PDXDC1: variants seen among roughly 807,000 people sequenced by gnomAD.
PDXDC1 encodes the protein pyridoxal-dependent decarboxylase domain-containing protein 1.
In PDXDC1, 42 loss-of-function variants were observed where a neutral mutation model predicts 100.1. That is an observed-to-expected ratio of 0.42 (90% CI 0.33 to 0.54). The LOEUF (loss-of-function observed/expected upper bound fraction) is 0.54. Ranked by LOEUF, PDXDC1 falls within the 20% of genes least tolerant of loss-of-function variation. The pLI, the probability that PDXDC1 is intolerant of heterozygous loss-of-function variation, is 0.10. For synonymous variants in PDXDC1, 260 were observed against 371.7 expected (o/e 0.70, Z 3.46); for missense variants, 636 against 979.2 (o/e 0.65, Z 4.68).
At chr16:15,059,405 C>T (rs1014994718) in intron 16 of PDXDC1, among the ~76,000 whole-genome samples, 1 of 152,196 alleles carries the variant, frequency 6.6e-6, no homozygotes, top group Non-Finnish European at 1.5e-5. Context: ...GGAAGTGCTT[C>T]CTTTCTTGCA....
chr16:15,049,278 C>T (rs2151720623), intron 16 of PDXDC1, among the ~76,000 whole-genome samples: 1 of 152,302 alleles, frequency 6.6e-6, no homozygotes, highest in South Asian at 2.1e-4. Context: ...ATCCACCCAC[C>T]TTGGCCTCCT....
chr16:15,005,837 C>T (rs1355711981), intron 5 of PDXDC1, among the ~76,000 whole-genome samples: 17 of 152,270 alleles, frequency 1.1e-4, no homozygotes, highest in Non-Finnish European at 2.9e-5. Flanking sequence ...GTAGCTGGGA[C>T]TACAGGCACT....
At chr16:15,049,271 C>T (rs576089116) in intron 16 of PDXDC1, among the ~76,000 whole-genome samples, 7 of 152,282 alleles carry the variant, frequency 4.6e-5, no homozygotes, top group Admixed American at 2.6e-4. Flanking sequence ...TCAAGTGATC[C>T]ACCCACCTTG....
intron 16 of PDXDC1, among the ~76,000 whole-genome samples, chr16:15,122,090 G>C (rs971955836): frequency 2.8e-4 from 43 of 151,318 alleles, no homozygotes; most frequent in Non-Finnish European, 2.4e-4. Flanking sequence ...CTTGAACCCC[G>C]GAAGCGGAGG....
At chr16:15,131,522 C>A (rs2048058553) in intron 16 of PDXDC1, 2 of 1,609,008 alleles carry the variant, frequency 1.2e-6, no homozygotes, top group South Asian at 1.1e-5. Context: ...TTGCCCTGGG[C>A]CACGATCTCC....
At chr16:15,042,185 CT>C (rs34790085), downstream of PDXDC1, among the ~76,000 whole-genome samples, 850 of 135,542 alleles carry the variant, frequency 6.3e-3, 3 homozygotes, top group Admixed American at 0.01. Context: ...AATTTTATAT[CT>C]TTTTTTTTTT....
At chr16:15,014,819 A>C (rs1393775018) in intron 8 of PDXDC1, among the ~76,000 whole-genome samples, 3 of 152,290 alleles carry the variant, frequency 2.0e-5, no homozygotes, top group Non-Finnish European at 4.4e-5. Context: ...CAAAATCTGT[A>C]GTGCAATCAA....
intron 16 of PDXDC1, among the ~76,000 whole-genome samples, chr16:15,068,696 C>T (rs1371303750): frequency 6.6e-6 from 1 of 152,182 alleles, no homozygotes. Flanking sequence ...AAGCTGAGTG[C>T]TGTTTTCAGG....
downstream of PDXDC1, among the ~76,000 whole-genome samples, chr16:15,042,265 A>G (rs1206510875): frequency 6.8e-6 from 1 of 146,458 alleles, no homozygotes; most frequent in Admixed American, 7.1e-5. Context: ...TGCTCATCGC[A>G]GTCTCCACCT....
intron 16 of PDXDC1, among the ~76,000 whole-genome samples, chr16:15,081,394 T>C (rs1307714828): frequency 6.6e-6 from 1 of 152,206 alleles, no homozygotes; most frequent in Non-Finnish European, 1.5e-5. Flanking sequence ...GTTACTGTCT[T>C]CTCGTTCTGA....
rs368205981 is a variant in PDXDC1, at chr16:14,998,089, A to G, written c.96-251A>G. ...TATTGATTTGACTCTATAAATACTTATTATATATTCAGGTCATATAGAGCA... is the reference window on the plus strand; with the variant it reads ...TATTGATTTGACTCTATAAATACTTGTTATATATTCAGGTCATATAGAGCA... On this transcript the variant is annotated intron_variant, in intron 2 of 22. Transcript: ENST00000396410. Among the ~76,000 whole-genome samples, 18 of 152,388 alleles carry G rather than the reference A, an allele frequency of 1.2e-4. No individual in the cohort carries two copies. The East Asian group carries it at 2.7e-3, about 23-fold the overall frequency.
chr16:15,000,026 C>G (rs1168974330), intron 3 of PDXDC1, among the ~76,000 whole-genome samples: 1 of 152,290 alleles, frequency 6.6e-6, no homozygotes, highest in African/African-American at 2.4e-5. Flanking sequence ...AAAAGTCACT[C>G]CTATTCGTAG....
chr16:14,985,896 T>G (rs1969251476), intron 1 of PDXDC1, among the ~76,000 whole-genome samples: 2 of 152,092 alleles, frequency 1.3e-5, no homozygotes, highest in Admixed American at 1.3e-4. Flanking sequence ...GCCAGGAGTT[T>G]GAGATCAGCC....
At chr16:15,008,880 G>A (rs550812242) in intron 7 of PDXDC1, 33 bp downstream of exon 7, 1 of 1,599,262 alleles carries the variant, frequency 6.3e-7, no homozygotes, top group East Asian at 2.2e-5. Context: ...AAAATCATGT[G>A]GGATTGTGTT....
chr16:15,102,391 G>T (rs1004377673), intron 16 of PDXDC1, among the ~76,000 whole-genome samples: 11 of 152,150 alleles, frequency 7.2e-5, no homozygotes, highest in Admixed American at 2.0e-4. Flanking sequence ...CGGAGGCAGG[G>T]GCTTGTGCCT....
chr16:15,012,881 A>G (rs1252612569), intron 8 of PDXDC1, among the ~76,000 whole-genome samples: 42 of 152,230 alleles, frequency 2.8e-4, no homozygotes, highest in African/African-American at 1.0e-3. Flanking sequence ...TCTTTAAAAT[A>G]TAATGTCAGG....
At chr16:15,002,915 A>G (rs1278253421) in intron 4 of PDXDC1, among the ~76,000 whole-genome samples, 29 of 152,188 alleles carry the variant, frequency 1.9e-4, no homozygotes, top group Admixed American at 1.7e-3. Flanking sequence ...TTTTTAAATT[A>G]TGAACCAAGT....
chr16:15,083,882 A>G (rs2045805699), intron 16 of PDXDC1: 17 of 288,070 alleles, frequency 5.9e-5, no homozygotes, highest in South Asian at 5.9e-4. Context: ...ATGCCCAGCT[A>G]ATTTTGTATT....
downstream of PDXDC1, among the ~76,000 whole-genome samples, chr16:15,143,994 G>C (rs935311885): frequency 1.3e-5 from 2 of 152,194 alleles, no homozygotes; most frequent in Admixed American, 1.3e-4. Context: ...GGCTCGGAGG[G>C]GCCACCTGCG....
Sources: gnomAD v4.1 joint callset for allele counts (sites outside exome capture counted in the v4.1 genomes callset) on GRCh38, gnomAD v4.1.1 for gene constraint, MANE v1.5 for transcripts, NCBI Gene and HGNC (gene_info 2026-07-23, HGNC 2026-07-21) for gene names.